Variants in SPON1 observed in about 807,000 individuals in gnomAD.
SPON1 encodes the protein spondin 1, also known as spondin-1.
In SPON1, 52 loss-of-function variants were observed where a neutral mutation model predicts 111.7. That is an observed-to-expected ratio of 0.47 (90% CI 0.37 to 0.59). The LOEUF is 0.59. Among genes scored for constraint, SPON1 ranks in the 20% least tolerant of loss-of-function variants. The pLI is 0.00. For synonymous variants in SPON1, 410 were observed against 395.8 expected (o/e 1.04, Z -0.43); for missense variants, 957 against 1,068.5 (o/e 0.90, Z 1.46).
chr11:14,050,699 A>C (rs1187988459), intron 3 of SPON1, among the ~76,000 whole-genome samples: 3 of 152,150 alleles, frequency 2.0e-5, no homozygotes, highest in Admixed American at 2.0e-4. Context: ...AGTGTTATTG[A>C]CTTGGCCACC....
At chr11:14,086,502 G>A (rs1554922647) in intron 5 of SPON1, among the ~76,000 whole-genome samples, 2 of 152,176 alleles carry the variant, frequency 1.3e-5, no homozygotes, top group Non-Finnish European at 2.9e-5. Context: ...AAGCCGACTT[G>A]ATCATGGTGG....
chr11:14,003,959 C>G (rs916478647), intron 2 of SPON1, among the ~76,000 whole-genome samples: 4 of 152,134 alleles, frequency 2.6e-5, no homozygotes, highest in Non-Finnish European at 5.9e-5. Flanking sequence ...TTGATAATCA[C>G]TCCCTTATCT....
chr11:14,160,370 C>A, intron 6 of SPON1, among the ~76,000 whole-genome samples: 1 of 113,996 alleles, frequency 8.8e-6, no homozygotes, highest in Non-Finnish European at 1.7e-5. Context: ...CATATATGTG[C>A]TCAGAACACT....
At chr11:14,261,950 T>TAAGTC (rs1435917344) in intron 14 of SPON1, among the ~76,000 whole-genome samples, 5 of 152,190 alleles carry the variant, frequency 3.3e-5, no homozygotes, top group African/African-American at 9.6e-5. Context: ...TGAGGACATC[T>TAAGTC]AAGTCCACCA....
At chr11:14,013,365 G>C (rs1037029742) in intron 2 of SPON1, among the ~76,000 whole-genome samples, 1 of 152,038 alleles carries the variant, frequency 6.6e-6, no homozygotes, top group African/African-American at 2.4e-5. Flanking sequence ...TCAGGTTTTG[G>C]AATAAAAAAA....
intron 6 of SPON1, among the ~76,000 whole-genome samples, chr11:14,174,775 T>C (rs1165908048): frequency 1.3e-5 from 2 of 152,158 alleles, no homozygotes; most frequent in African/African-American, 4.8e-5. Flanking sequence ...CTTTTAAATA[T>C]ATCTGTAGCT....
chr11:14,174,396 T>C (rs969950477), intron 6 of SPON1, among the ~76,000 whole-genome samples: 11 of 152,322 alleles, frequency 7.2e-5, no homozygotes, highest in Non-Finnish European at 1.5e-5. Flanking sequence ...TTAAAGTGTA[T>C]TTCCTACCTA....
At chr11:14,111,709 C>A (rs558397918) in intron 5 of SPON1, among the ~76,000 whole-genome samples, 7 of 152,100 alleles carry the variant, frequency 4.6e-5, no homozygotes, top group South Asian at 4.1e-4. Context: ...TTCATTCCTG[C>A]CAAACATCCT....
At chr11:14,194,820 A>T (rs1848383773) in intron 6 of SPON1, among the ~76,000 whole-genome samples, 1 of 152,206 alleles carries the variant, frequency 6.6e-6, no homozygotes, top group Admixed American at 6.5e-5. Context: ...TATTTTTAAA[A>T]TTTATTTTAT....
intron 5 of SPON1, among the ~76,000 whole-genome samples, chr11:14,084,687 T>C (rs1278038060): frequency 6.6e-6 from 1 of 152,236 alleles, no homozygotes; most frequent in East Asian, 1.9e-4. Context: ...CTAGGTCGAA[T>C]GGCATTTCTG....
chr11:14,100,692 A>G (rs1849136672), intron 5 of SPON1, among the ~76,000 whole-genome samples: 1 of 152,116 alleles, frequency 6.6e-6, no homozygotes, highest in South Asian at 2.1e-4. Flanking sequence ...TTGCTTTTTT[A>G]CACAACCATA....
Position 14,188,036 on chromosome 11 carries a change from C to T in SPON1, c.825+52468C>T, listed in dbSNP as rs544663991. On this transcript the variant is annotated intron_variant, in intron 6 of 15. Transcript: ENST00000576479. ...CCTCAGGTGGTCTGCCTGCCTCAGC[C>T]TCCCAAAGTGCCAGGATTACAGGCC... Among the ~76,000 whole-genome samples the T allele has an allele frequency of 1.5e-4, 23 of 152,270 alleles. No homozygotes were observed. In the South Asian group the frequency reaches 4.8e-3, roughly 32 times the overall value.
At chr11:14,030,515 A>G (rs1463040352) in intron 2 of SPON1, among the ~76,000 whole-genome samples, 3 of 152,196 alleles carry the variant, frequency 2.0e-5, no homozygotes, top group Non-Finnish European at 4.4e-5. Context: ...TGGAAAGCAC[A>G]GGGTACACTC....
chr11:14,069,367 C>A (rs1848857251), intron 3 of SPON1, among the ~76,000 whole-genome samples: 1 of 152,114 alleles, frequency 6.6e-6, no homozygotes. Flanking sequence ...TGCCTTAGAT[C>A]CAATATGCTA....
At chr11:14,253,506 C>T (rs1252484380) in intron 7 of SPON1, among the ~76,000 whole-genome samples, 2 of 152,234 alleles carry the variant, frequency 1.3e-5, no homozygotes, top group African/African-American at 4.8e-5. Flanking sequence ...GGGCCCAGTT[C>T]CCCAGGCCCC....
intron 3 of SPON1, among the ~76,000 whole-genome samples, chr11:14,071,500 C>T (rs782358502): frequency 2.0e-5 from 3 of 152,140 alleles, no homozygotes; most frequent in East Asian, 1.9e-4. Flanking sequence ...CTATGTCTAA[C>T]GACCCACTAG....
At chr11:14,257,557 AG>A (rs1554941347) in intron 10 of SPON1, among the ~76,000 whole-genome samples, 158 bp from the exon 11 acceptor site, 1 of 152,232 alleles carries the variant, frequency 6.6e-6, no homozygotes, top group Admixed American at 6.5e-5. Context: ...TTATCTTTAA[AG>A]GGAAGTGGAT....
intron 3 of SPON1, among the ~76,000 whole-genome samples, chr11:14,068,609 GC>G (rs1377861836): frequency 1.3e-5 from 2 of 152,142 alleles, no homozygotes; most frequent in Non-Finnish European, 2.9e-5. Flanking sequence ...CAGCTCTACT[GC>G]AAAGTTCCCG....
intron 6 of SPON1, among the ~76,000 whole-genome samples, chr11:14,153,761 G>A (rs1847812079): frequency 6.6e-6 from 1 of 152,146 alleles, no homozygotes; most frequent in Non-Finnish European, 1.5e-5. Flanking sequence ...TCTCATCTGA[G>A]ACAAGGCAAG....
Sources: allele counts gnomAD v4.1 joint callset (sites outside exome capture counted in the v4.1 genomes callset), GRCh38; gene constraint gnomAD v4.1.1; transcripts MANE v1.5; gene names NCBI Gene and HGNC (gene_info 2026-07-23, HGNC 2026-07-21).